Variants in TPTE observed in about 807,000 individuals in gnomAD.
The protein encoded by TPTE is putative tyrosine-protein phosphatase TPTE.
A neutral mutation model predicts 84.1 loss-of-function variants in TPTE; 59 were observed. The ratio of observed to expected loss-of-function variants is 0.70; its 90% CI spans 0.57 to 0.87. The LOEUF (loss-of-function observed/expected upper bound fraction) is 0.87. Among genes scored for constraint, TPTE ranks in the 40% least tolerant of loss-of-function variants. The pLI, the probability that TPTE is intolerant of heterozygous loss-of-function variation, is 0.00. For synonymous variants in TPTE, 130 were observed against 223.5 expected, an observed-to-expected ratio of 0.58 and a Z score of 3.73; for missense variants, 382 against 659.6, an observed-to-expected ratio of 0.58 and a Z score of 4.61.
intron 15 of TPTE, among the ~76,000 whole-genome samples, chr21:10,578,123 A>G (rs1330033570): frequency 6.6e-6 from 1 of 152,310 alleles, no homozygotes; most frequent in African/African-American, 2.4e-5. Flanking sequence ...TTAAACAAAA[A>G]TAAGTTGAGT....
intron 8 of TPTE, among the ~76,000 whole-genome samples, chr21:10,556,436 C>G (rs2074685599): frequency 6.6e-6 from 1 of 152,308 alleles, no homozygotes; most frequent in African/African-American, 2.4e-5. Context: ...TTCATCCAGT[C>G]TATCATTGTT....
Position 10,602,049 on chromosome 21 carries a change from C to G in TPTE, c.1357-9C>G. On this transcript the variant is annotated splice_polypyrimidine_tract_variant and intron_variant, in intron 21 of 23. Transcript: ENST00000618007. ...TTTATAGTTCTCAATTCCATGTGTTCATTCATAGGTACTTGATAACATTAC... is the reference window on the plus strand; with the variant it reads ...TTTATAGTTCTCAATTCCATGTGTTGATTCATAGGTACTTGATAACATTAC... 2 of 1,609,872 alleles carry G rather than the reference C, an allele frequency of 1.2e-6. No homozygotes were observed. The highest frequency in any genetic ancestry group is 4.5e-5 in the East Asian group (2 of 44,858).
chr21:10,559,038 CAA>C (rs1450565638), intron 8 of TPTE, among the ~76,000 whole-genome samples: 3 of 152,310 alleles, frequency 2.0e-5, no homozygotes, highest in Admixed American at 6.5e-5. Flanking sequence ...GAGGAGATGA[CAA>C]GAGCATCATT....
At chr21:10,539,167 A>C (rs1179740618) in intron 4 of TPTE, among the ~76,000 whole-genome samples, 3 of 152,310 alleles carry the variant, frequency 2.0e-5, no homozygotes, top group Non-Finnish European at 4.4e-5. Flanking sequence ...AGAGCCTACC[A>C]GATTGACAGA....
At chr21:10,542,501 T>C (rs1329791509) in intron 6 of TPTE, 53 bp downstream of exon 6, 13 of 1,599,330 alleles carry the variant, frequency 8.1e-6, no homozygotes, top group African/African-American at 1.3e-5. Flanking sequence ...CATAGAACTA[T>C]ACACACACAG....
At chr21:10,539,446 A>G (rs1218502506) in intron 4 of TPTE, among the ~76,000 whole-genome samples, 2 of 152,306 alleles carry the variant, frequency 1.3e-5, no homozygotes, top group Non-Finnish European at 2.9e-5. Flanking sequence ...CTTGACGGAG[A>G]GATCCAGGAA....
intron 14 of TPTE, among the ~76,000 whole-genome samples, chr21:10,572,429 G>T: frequency 6.6e-6 from 1 of 150,804 alleles, no homozygotes; most frequent in Non-Finnish European, 1.5e-5. Context: ...TACTGCCTGG[G>T]TGACAGAGCG....
chr21:10,591,901 G>A (rs559891176), intron 18 of TPTE, among the ~76,000 whole-genome samples: 175 of 152,022 alleles, frequency 1.2e-3, no homozygotes, highest in African/African-American at 4.1e-3. Flanking sequence ...GGTGGCTCAC[G>A]CCTGTAATCC....
intron 3 of TPTE, among the ~76,000 whole-genome samples, chr21:10,529,384 T>C (rs1405274200): frequency 1.3e-5 from 2 of 152,312 alleles, no homozygotes; most frequent in African/African-American, 4.8e-5. Flanking sequence ...GAGGACTTAA[T>C]AGAATGTCTA....
At chr21:10,563,714 C>T (rs867580923) in intron 10 of TPTE, among the ~76,000 whole-genome samples, 2,124 of 151,588 alleles carry the variant, frequency 0.014, no homozygotes, top group Admixed American at 0.12. Flanking sequence ...TAATGAAAGA[C>T]AGGAAGGAAA....
chr21:10,549,595 G>T (rs1366846871), intron 7 of TPTE, among the ~76,000 whole-genome samples: 3 of 152,292 alleles, frequency 2.0e-5, no homozygotes, highest in Non-Finnish European at 2.9e-5. Context: ...ACAAGCAGAA[G>T]AAATAATTTC....
intron 19 of TPTE, among the ~76,000 whole-genome samples, chr21:10,594,447 TTTTC>T (rs1252424576): frequency 6.6e-6 from 1 of 152,238 alleles, no homozygotes; most frequent in African/African-American, 2.4e-5. Context: ...TCTCATAATG[TTTTC>T]TTTGTTTGTA....
At chr21:10,574,090 G>C (rs1197093817) in intron 14 of TPTE, among the ~76,000 whole-genome samples, 4 of 152,382 alleles carry the variant, frequency 2.6e-5, no homozygotes, top group African/African-American at 9.6e-5. Flanking sequence ...TGTTTTCTTA[G>C]GTTGAGATCC....
intron 7 of TPTE, among the ~76,000 whole-genome samples, chr21:10,549,815 G>C (rs552462608): frequency 6.6e-6 from 1 of 152,308 alleles, no homozygotes; most frequent in African/African-American, 2.4e-5. Flanking sequence ...GGGAGAGCTA[G>C]ACATCTAGTT....
chr21:10,574,064 G>A (rs1478837644), intron 14 of TPTE, among the ~76,000 whole-genome samples: 2 of 152,306 alleles, frequency 1.3e-5, no homozygotes, highest in Non-Finnish European at 2.9e-5. Context: ...AGATGGGGAT[G>A]CCATAACCCA....
chr21:10,588,491 G>A (rs2145765078), intron 17 of TPTE, among the ~76,000 whole-genome samples: 2 of 152,428 alleles, frequency 1.3e-5, no homozygotes, highest in South Asian at 2.1e-4. Flanking sequence ...ATATGCCTTG[G>A]TAATGTTCAT....
chr21:10,553,764 A>G (rs1438590161), intron 8 of TPTE, among the ~76,000 whole-genome samples: 1 of 152,308 alleles, frequency 6.6e-6, no homozygotes. Flanking sequence ...GGCATCATAT[A>G]TTCATTCACC....
At position 10,555,261 on chromosome 21, in the gene TPTE, G is replaced by A. The variant is rs563396351; in HGVS notation, c.233+2545G>A. On this transcript the variant is annotated intron_variant, in intron 8 of 23. Coordinates refer to ENST00000618007, the MANE Select transcript of TPTE (RefSeq NM_199261.4). ...TCTCGCTCTGTCACCAGGCTGGAGTGCAGTGGCTCCACTCAGCTCACTGCA... is the reference window on the plus strand; with the variant it reads ...TCTCGCTCTGTCACCAGGCTGGAGTACAGTGGCTCCACTCAGCTCACTGCA... Among the ~76,000 whole-genome samples the A allele has an allele frequency of 6.6e-5, 10 of 152,376 alleles. No homozygotes were observed. In the South Asian group the frequency reaches 2.1e-3, roughly 32 times the overall value.
At chr21:10,572,038 A>G (rs1190934371) in intron 14 of TPTE, among the ~76,000 whole-genome samples, 2 of 152,306 alleles carry the variant, frequency 1.3e-5, no homozygotes, top group African/African-American at 4.8e-5. Flanking sequence ...AAGAGCTTTA[A>G]AAACAGACAT....
Sources: gnomAD v4.1 joint callset for allele counts (sites outside exome capture counted in the v4.1 genomes callset) on GRCh38, gnomAD v4.1.1 for gene constraint, MANE v1.5 for transcripts, NCBI Gene and HGNC (gene_info 2026-07-23, HGNC 2026-07-21) for gene names.